RNF38: variants seen among roughly 807,000 people sequenced by gnomAD.
The protein encoded by RNF38 is E3 ubiquitin-protein ligase RNF38.
Under a neutral mutation model 67.2 loss-of-function variants are expected in RNF38, and 15 were observed. The ratio of observed to expected loss-of-function variants is 0.22; its 90% CI spans 0.15 to 0.34. The LOEUF is 0.34. RNF38 is among the 10% of genes least tolerant of loss of function. The pLI, the probability that RNF38 is intolerant of heterozygous loss-of-function variation, is 1.00. For missense variants in RNF38, 524 were observed against 639.9 expected (o/e 0.82, Z 1.95); for synonymous variants, 220 against 218.8 (o/e 1.01, Z -0.05).
At chr9:36,415,165 C>T (rs1838428097) in intron 2 of RNF38, among the ~76,000 whole-genome samples, 1 of 152,182 alleles carries the variant, frequency 6.6e-6, no homozygotes, top group Admixed American at 6.5e-5. Context: ...TCCCTTCTTC[C>T]TCAACAACAC....
chr9:36,462,452 C>T (rs1839755752), intron 1 of RNF38, among the ~76,000 whole-genome samples: 1 of 152,160 alleles, frequency 6.6e-6, no homozygotes, highest in African/African-American at 2.4e-5. Flanking sequence ...ATCACCACTC[C>T]TCTGCTCAGT....
intron 3 of RNF38, among the ~76,000 whole-genome samples, chr9:36,374,538 G>T (rs893305187): frequency 6.6e-6 from 1 of 152,026 alleles, no homozygotes; most frequent in Non-Finnish European, 1.5e-5. Context: ...GCAGTGGTGC[G>T]GTCTTGGCTC....
chr9:36,476,481 T>C (rs1454726560), intron 1 of RNF38, among the ~76,000 whole-genome samples: 2 of 152,096 alleles, frequency 1.3e-5, no homozygotes, highest in African/African-American at 4.8e-5. Context: ...TTCAAAGGAT[T>C]ATTTGGGCAA....
upstream of RNF38, among the ~76,000 whole-genome samples, chr9:36,402,850 CTTTT>C (rs905928610): frequency 2.7e-5 from 4 of 150,346 alleles, no homozygotes; most frequent in African/African-American, 9.9e-5. Flanking sequence ...ATTTCTTCTT[CTTTT>C]TTTATTTTTT....
chr9:36,461,066 T>C (rs1839722510), intron 1 of RNF38, among the ~76,000 whole-genome samples: 1 of 151,866 alleles, frequency 6.6e-6, no homozygotes, highest in African/African-American at 2.4e-5. Flanking sequence ...AATACAATAA[T>C]TAGCTGGGTG....
At chr9:36,351,349 T>TA (rs1313470643) in intron 8 of RNF38, 150 bp from the exon 9 acceptor site, 1 of 561,306 alleles carries the variant, frequency 1.8e-6, no homozygotes, top group East Asian at 3.2e-5. Flanking sequence ...AACTGTACAA[T>TA]AAAAACTGCA....
At chr9:36,400,759 A>C, upstream of RNF38, 1 of 985,596 alleles carries the variant, frequency 1.0e-6, no homozygotes, top group Non-Finnish European at 1.2e-6. Context: ...CCGCGCCAGG[A>C]AACGACGGCT....
At position 36,356,135 on chromosome 9, in the gene RNF38, C is replaced by T. The variant is rs373988751; in HGVS notation, c.909+168G>A. Among the ~76,000 whole-genome samples, 57 of 152,286 alleles carry T rather than the reference C, an allele frequency of 3.7e-4. No homozygotes were observed. The East Asian group carries it at 9.6e-3, about 26-fold the overall frequency. ...GTGCTGGGATTACAGGAGTGAGTCA[C>T]TGCACCTGGCCAAGTTACTATGTTT... is the stretch of plus-strand genomic sequence containing the variant. On this transcript the variant is annotated intron_variant, in intron 6 of 11. Transcript: ENST00000259605.
chr9:36,458,094 C>T (rs1190328000), intron 1 of RNF38, among the ~76,000 whole-genome samples: 1 of 152,196 alleles, frequency 6.6e-6, no homozygotes, highest in Non-Finnish European at 1.5e-5. Flanking sequence ...GTTGCCTCTC[C>T]TCACATACAC....
rs150849392 is a variant in RNF38, at chr9:36,398,577, C to T, written c.12+1520G>A. 4.7e-4 allele frequency among the ~76,000 whole-genome samples: 71 copies of T among 152,258 alleles called. 1 individual carries two copies. In the East Asian group the frequency reaches 0.013, roughly 28 times the overall value. On this transcript the variant is annotated intron_variant, in intron 1 of 11. Coordinates refer to ENST00000259605, the MANE Select transcript of RNF38 (RefSeq NM_022781.5). Reference sequence around the variant, plus strand: ...CTCTAGATAACGTCGTATTAATTAACGTTTGCTGATGAACTAGACAAGAAC... The same window carrying T: ...CTCTAGATAACGTCGTATTAATTAATGTTTGCTGATGAACTAGACAAGAAC...
intron 2 of RNF38, among the ~76,000 whole-genome samples, chr9:36,383,282 A>G (rs1444170483): frequency 6.6e-6 from 1 of 151,960 alleles, no homozygotes; most frequent in African/African-American, 2.4e-5. Context: ...GCTCACTGCA[A>G]CCTCCGCCTC....
upstream of RNF38, chr9:36,401,015 G>A: frequency 1.0e-6 from 1 of 983,872 alleles, no homozygotes; most frequent in African/African-American, 1.8e-5. Context: ...GACTCCCCTC[G>A]CCGCTAGGCC....
At chr9:36,375,796 T>G in intron 3 of RNF38, 138 bp downstream of exon 3, 1 of 734,480 alleles carries the variant, frequency 1.4e-6, no homozygotes, top group Non-Finnish European at 2.1e-6. Context: ...GGCAACTTTC[T>G]TTTTCGTGAG....
intron 2 of RNF38, among the ~76,000 whole-genome samples, chr9:36,416,229 G>A (rs1226882348): frequency 1.3e-5 from 2 of 150,096 alleles, no homozygotes; most frequent in African/African-American, 4.9e-5. Context: ...GGGGGATGGG[G>A]GTGTGATTCT....
chr9:36,458,256 G>A (rs1005926782), intron 1 of RNF38, among the ~76,000 whole-genome samples: 1 of 152,182 alleles, frequency 6.6e-6, no homozygotes, highest in Admixed American at 6.5e-5. Context: ...AGGATTGTAA[G>A]CACACCAATC....
intron 1 of RNF38, among the ~76,000 whole-genome samples, chr9:36,396,786 TA>T (rs891588901): frequency 1.6e-4 from 24 of 147,096 alleles, no homozygotes; most frequent in Middle Eastern, 3.5e-3. Flanking sequence ...AAAGCTTCTT[TA>T]AAAAAAAAAA....
intron 1 of RNF38, among the ~76,000 whole-genome samples, chr9:36,457,799 C>T (rs1361714880): frequency 6.6e-6 from 1 of 151,746 alleles, no homozygotes; most frequent in East Asian, 1.9e-4. Context: ...GCTGAGATCA[C>T]GTCACTGCAC....
intron 4 of RNF38, among the ~76,000 whole-genome samples, chr9:36,364,188 A>G (rs4879991): frequency 0.96 from 146,234 of 152,144 alleles, 70,524 homozygotes; most frequent in East Asian, 1. Flanking sequence ...GAGACAGCAA[A>G]ACCAACTCCT....
At chr9:36,347,327 C>T (rs904675795) in intron 9 of RNF38, among the ~76,000 whole-genome samples, 13 of 152,006 alleles carry the variant, frequency 8.6e-5, no homozygotes, top group African/African-American at 2.2e-4. Flanking sequence ...CACTTTACTG[C>T]GCTTTGCTTT....
Sources: allele counts gnomAD v4.1 joint callset (sites outside exome capture counted in the v4.1 genomes callset), GRCh38; gene constraint gnomAD v4.1.1; transcripts MANE v1.5; gene names NCBI Gene and HGNC (gene_info 2026-07-23, HGNC 2026-07-21).